Variants in DLG2 observed in about 807,000 individuals in gnomAD.
The protein encoded by DLG2 is disks large homolog 2.
In DLG2, 45 loss-of-function variants were observed where a neutral mutation model predicts 132.5. The observed-to-expected ratio is 0.34, with a 90% CI of 0.27 to 0.44. The LOEUF is 0.44. Ranked by LOEUF, DLG2 falls within the 20% of genes least tolerant of loss-of-function variation. The pLI is 1.00. For missense variants in DLG2, 1,045 were observed against 1,196.9 expected (o/e 0.87, Z 1.87); for synonymous variants, 424 against 419.6 (o/e 1.01, Z -0.13).
At chr11:83,774,133 C>T (rs997724060) in intron 18 of DLG2, among the ~76,000 whole-genome samples, 1 of 152,196 alleles carries the variant, frequency 6.6e-6, no homozygotes, top group African/African-American at 2.4e-5. Context: ...CAGGACTCTT[C>T]AGAGGACAGT....
intron 21 of DLG2, among the ~76,000 whole-genome samples, chr11:83,503,313 G>C (rs2094524982): frequency 6.9e-6 from 1 of 145,498 alleles, no homozygotes; most frequent in Admixed American, 7.2e-5. Flanking sequence ...GAGTTCTCTG[G>C]AGTGACAGAA....
chr11:83,562,200 T>A (rs2096623405), intron 19 of DLG2, among the ~76,000 whole-genome samples: 1 of 152,086 alleles, frequency 6.6e-6, no homozygotes, highest in African/African-American at 2.4e-5. Flanking sequence ...GTATTCCTAT[T>A]CTGTAGATAA....
At chr11:85,011,821 G>A (rs1359432996) in intron 6 of DLG2, among the ~76,000 whole-genome samples, 1 of 152,084 alleles carries the variant, frequency 6.6e-6, no homozygotes, top group East Asian at 1.9e-4. Context: ...ACAGGGAGTG[G>A]AGTTTTCTGG....
chr11:83,469,663 A>T (rs147951661), intron 24 of DLG2, among the ~76,000 whole-genome samples: 3 of 152,304 alleles, frequency 2.0e-5, no homozygotes, highest in African/African-American at 7.2e-5. Flanking sequence ...CTCTACCTAG[A>T]GGCCATTTCC....
At chr11:84,831,944 T>C (rs2079106642) in intron 6 of DLG2, among the ~76,000 whole-genome samples, 1 of 151,596 alleles carries the variant, frequency 6.6e-6, no homozygotes, top group South Asian at 2.1e-4. Context: ...AATTGAACAA[T>C]TAGTTAACAG....
At chr11:84,184,664 G>A (rs1413730102) in intron 8 of DLG2, among the ~76,000 whole-genome samples, 2 of 152,106 alleles carry the variant, frequency 1.3e-5, no homozygotes, top group Admixed American at 1.3e-4. Flanking sequence ...GTCCTGAATG[G>A]TATTGCCTAG....
At chr11:84,418,597 G>T (rs2098937906) in intron 7 of DLG2, among the ~76,000 whole-genome samples, 1 of 152,136 alleles carries the variant, frequency 6.6e-6, no homozygotes, top group African/African-American at 2.4e-5. Flanking sequence ...TTGTCCAAAT[G>T]GTTTTTGAAT....
At chr11:84,436,656 T>C (rs184559283) in intron 7 of DLG2, among the ~76,000 whole-genome samples, 1 of 152,326 alleles carries the variant, frequency 6.6e-6, no homozygotes, top group East Asian at 1.9e-4. Context: ...TATCATCTTC[T>C]GTTATCTCCA....
chr11:84,068,794 T>C (rs2096715244), intron 10 of DLG2, among the ~76,000 whole-genome samples: 2 of 152,236 alleles, frequency 1.3e-5, no homozygotes, highest in African/African-American at 4.8e-5. Context: ...CTATGTTATA[T>C]AGTCTTTAAT....
chr11:84,428,262 A>G (rs2098973343), intron 7 of DLG2, among the ~76,000 whole-genome samples: 1 of 152,180 alleles, frequency 6.6e-6, no homozygotes, highest in Non-Finnish European at 1.5e-5. Flanking sequence ...TGTTTATCAG[A>G]ACTTACATAT....
At chr11:85,238,984 A>C (rs1361722948) in intron 4 of DLG2, among the ~76,000 whole-genome samples, 1 of 152,026 alleles carries the variant, frequency 6.6e-6, no homozygotes, top group Admixed American at 6.6e-5. Flanking sequence ...TCTTGGGAGT[A>C]CTTCCAGCAT....
At chr11:84,697,846 G>C (rs925203050) in intron 6 of DLG2, among the ~76,000 whole-genome samples, 1 of 151,086 alleles carries the variant, frequency 6.6e-6, no homozygotes, top group African/African-American at 2.4e-5. Flanking sequence ...TGCACACATC[G>C]ATTATGTTAC....
At chr11:83,917,231 G>T (rs1469798577) in intron 15 of DLG2, among the ~76,000 whole-genome samples, 1 of 152,118 alleles carries the variant, frequency 6.6e-6, no homozygotes, top group Non-Finnish European at 1.5e-5. Context: ...AAGTCCTTTT[G>T]CAGGTCTTAA....
chr11:83,568,786 G>C (rs1372561952), intron 19 of DLG2, among the ~76,000 whole-genome samples: 1 of 152,128 alleles, frequency 6.6e-6, no homozygotes, highest in African/African-American at 2.4e-5. Context: ...TCCCCTCCCA[G>C]GTTGTCATGA....
At chr11:84,779,363 T>C (rs1011613542) in intron 6 of DLG2, among the ~76,000 whole-genome samples, 3 of 152,206 alleles carry the variant, frequency 2.0e-5, no homozygotes, top group African/African-American at 7.2e-5. Context: ...CTTTATCTGC[T>C]AGATCTTTTG....
At chr11:85,524,031 A>T (rs2074539444) in intron 3 of DLG2, among the ~76,000 whole-genome samples, 1 of 152,214 alleles carries the variant, frequency 6.6e-6, no homozygotes, top group Admixed American at 6.5e-5. Context: ...GCTAAAAATT[A>T]AAACAACTGG....
intron 7 of DLG2, among the ~76,000 whole-genome samples, chr11:84,365,954 T>C (rs576397231): frequency 0.011 from 1,645 of 152,024 alleles, 12 homozygotes; most frequent in Non-Finnish European, 0.019. Flanking sequence ...ATTCAGGAAA[T>C]ACAGAGAATG....
intron 11 of DLG2, among the ~76,000 whole-genome samples, chr11:84,052,659 C>G (rs1173400857): frequency 6.8e-6 from 1 of 145,992 alleles, no homozygotes; most frequent in Non-Finnish European, 1.5e-5. Context: ...CCATCTCACA[C>G]CAGCTAGAAT....
At chr11:84,966,499 A>C (rs561341265) in intron 6 of DLG2, among the ~76,000 whole-genome samples, 2 of 152,212 alleles carry the variant, frequency 1.3e-5, no homozygotes, top group South Asian at 4.1e-4. Flanking sequence ...GAATAGTTGG[A>C]AAGTATTATA....
Sources: allele counts gnomAD v4.1 joint callset (sites outside exome capture counted in the v4.1 genomes callset), GRCh38; gene constraint gnomAD v4.1.1; transcripts MANE v1.5; gene names NCBI Gene and HGNC (gene_info 2026-07-23, HGNC 2026-07-21).